Variants in ZNF888 observed in about 807,000 individuals in gnomAD.
The protein encoded by ZNF888 is zinc finger protein 888, also known as CTD-2331H12.6.
ZNF888 carries 5 observed loss-of-function variants against 7.2 expected under a neutral mutation model. That is an observed-to-expected ratio of 0.70 (90% CI 0.36 to 1.46). ZNF888 has a LOEUF of 1.46. Among genes scored for constraint, ZNF888 ranks in the 40% most tolerant of loss-of-function variants. ZNF888 has a pLI of 0.03. For missense variants in ZNF888, 716 were observed against 858.0 expected (o/e 0.83, Z 2.07); for synonymous variants, 240 against 284.3 (o/e 0.84, Z 1.57).
In ZNF888 at chr19:52,907,607, C is replaced by T; in HGVS notation, c.715G>A (p.Glu239Lys). 1 of 1,603,960 alleles carries T rather than the reference C, an allele frequency of 6.2e-7. No individual in the cohort carries two copies. Among genetic ancestry groups the T allele is most frequent in the Non-Finnish European group, 8.5e-7 (1 of 1,176,286 alleles). Residue 239 changes from glutamate (E) to lysine (K), a missense_variant, in exon 5 of 5, where the codon GAG becomes AAG. Glu to Lys is a moderately conservative substitution (Grantham distance 56). Coordinates refer to ENST00000638862, the MANE Select transcript of ZNF888 (RefSeq NM_001393938.1). ...CATACATCACATTTATATTGTTTCT[C>T]TCCTAGATGAATTATCTGATGTTTT... Reference protein sequence around the residue: ...FKKHQIIHLGEKQYKCDVCGK... With the variant: ...FKKHQIIHLGKKQYKCDVCGK...
In ZNF888 at chr19:52,907,908, C is replaced by T. The variant is rs1327311893; in HGVS notation, c.414G>A (p.Gln138=). 33 of 1,614,040 alleles carry T rather than the reference C, an allele frequency of 2.0e-5. No homozygotes were observed. Among genetic ancestry groups the T allele is most frequent in the Non-Finnish European group, 2.6e-5 (31 of 1,180,038 alleles). ...RHAGNKPIKY[Q]LGSSFHSHLP... ...GATGTGAATGAAAGCTTGATCCAAG[C>T]TGATATTTAATAGGCTTGTTTCCAG... is the stretch of plus-strand genomic sequence containing the variant. The change falls in exon 5 of 5, where the codon CAG becomes CAA. Residue 138 remains glutamine (Q), a synonymous_variant. Coordinates refer to ENST00000638862, the MANE Select transcript of ZNF888 (RefSeq NM_001393938.1).
chr19:52,910,515 A>T (rs992407385), intron 4 of ZNF888, among the ~76,000 whole-genome samples: 1 of 152,138 alleles, frequency 6.6e-6, no homozygotes, highest in Admixed American at 6.6e-5. Context: ...GCTTTGGTAG[A>T]TGTGGTATTC....
chr19:52,912,176 A>T (rs7250392), intron 4 of ZNF888, among the ~76,000 whole-genome samples: 16 of 144,964 alleles, frequency 1.1e-4, no homozygotes, highest in Admixed American at 4.0e-4. Context: ...TGTCGTGGCA[A>T]GATCTCGGCT....
At chr19:52,913,764 T>G in intron 4 of ZNF888, 7 of 983,674 alleles carry the variant, frequency 7.1e-6, no homozygotes, top group Non-Finnish European at 8.5e-6. Flanking sequence ...AACGTGGTTG[T>G]TATATTCACA....
In ZNF888 at chr19:52,906,042, G is replaced by A. The variant is rs774873370; in HGVS notation, c.*123C>T. 1.1e-4 allele frequency: 160 copies of A among 1,397,212 alleles called. No individual in the cohort carries two copies. The highest frequency in any genetic ancestry group is 4.3e-4 in the East Asian group (19 of 43,756). The allele number at this position is 1,397,212 out of a possible 1,614,324, so 86.6% of individuals were successfully genotyped here. A position where few individuals can be genotyped will look rare whatever the true frequency, so the allele number is the denominator to read the frequency against. ...TATGAGTTCACCCATGAACTACAGC[G>A]TATGAACGATGTCTGAAAAATTTGC... On this transcript the variant is annotated 3_prime_UTR_variant, in exon 5 of 5. Transcript: ENST00000638862.
rs188652208 is a variant in ZNF888, at chr19:52,911,855, C to T, written c.142+3341G>A. Reference sequence around the variant, plus strand: ...TTTTTAAGATGGAGTCTCACTCTGTCGCCCAGGCTGGAGTACAGTGGTGCA... The same window carrying T: ...TTTTTAAGATGGAGTCTCACTCTGTTGCCCAGGCTGGAGTACAGTGGTGCA... On this transcript the variant is annotated intron_variant, in intron 4 of 4. Coordinates refer to ENST00000638862, the MANE Select transcript of ZNF888 (RefSeq NM_001393938.1). Among the ~76,000 whole-genome samples, 229 of 151,994 alleles carry T rather than the reference C, an allele frequency of 1.5e-3. 2 individuals carry two copies. Among genetic ancestry groups the T allele is most frequent in the African/African-American group, 4.7e-3 (196 of 41,462 alleles).
At chr19:52,910,368 G>A (rs2064664350) in intron 4 of ZNF888, among the ~76,000 whole-genome samples, 1 of 152,080 alleles carries the variant, frequency 6.6e-6, no homozygotes, top group Admixed American at 6.6e-5. Flanking sequence ...AGCTACTTGG[G>A]AGGCTGAAGC....
chr19:52,907,153 G>A lies in ZNF888; in HGVS notation c.1169C>T (p.Ala390Val), dbSNP rs2147922574. The change falls in exon 5 of 5, where the codon GCT (alanine) becomes GTT (valine). Residue 390 changes from alanine (A) to valine (V), a missense_variant. Physicochemically the swap from Ala to Val is moderately conservative, Grantham distance 64. Transcript: ENST00000638862. ...KPYKCKVCDK[A>V]FRHDSHLAQH... ...TGCCAGGTGTGAATCATGTCTGAAAGCCTTGTCACAAACCTTACATTTGTA... is the reference window on the plus strand; with the variant it reads ...TGCCAGGTGTGAATCATGTCTGAAAACCTTGTCACAAACCTTACATTTGTA... The A allele has an allele frequency of 6.2e-7, 1 of 1,611,016 alleles. No homozygotes were observed. The highest frequency in any genetic ancestry group is 2.2e-5 in the East Asian group (1 of 44,738).
rs1368496445 is a variant in ZNF888, at chr19:52,906,710, C to A, written c.1612G>T (p.Val538Leu). Residue 538 changes from valine (V) to leucine (L), a missense_variant, in exon 5 of 5, where the codon GTA becomes TTA. Val to Leu is a conservative substitution (Grantham distance 32). Around this residue, in one of 2 missense-constraint regions of ZNF888, gnomAD observed 697 missense variants for 803.4 expected, o/e 0.87. Coordinates refer to ENST00000638862, the MANE Select transcript of ZNF888 (RefSeq NM_001393938.1). ...CCAGTATGAATGACCTTATGCATTA[C>A]AAGAGATGAATTTTGAACGAAGGTC... ...GKTFVQNSSL[V>L]MHKVIHTGEK... The A allele has an allele frequency of 6.2e-7, 1 of 1,607,408 alleles. No homozygotes were observed. The highest frequency in any genetic ancestry group is 1.3e-5 in the African/African-American group (1 of 74,728).
At chr19:52,916,615 CATATATAT>C (rs67843514) in intron 3 of ZNF888, among the ~76,000 whole-genome samples, 196 of 131,342 alleles carry the variant, frequency 1.5e-3, no homozygotes, top group African/African-American at 3.9e-3. Context: ...TATACATATA[CATATATAT>C]ATATATATAT....
chr19:52,906,416 A>C lies in ZNF888; in HGVS notation c.1906T>G (p.Cys636Gly). ...CCAAAAGCCTTGTCGCAAACCCTACATTTGTATGGTTTCTCTCCAGTATGA... is the reference window on the plus strand; with the variant it reads ...CCAAAAGCCTTGTCGCAAACCCTACCTTTGTATGGTTTCTCTCCAGTATGA... ...RVHTGEKPYK[C>G]RVCDKAFGRD... is the part of the protein sequence containing the mutation. The change falls in exon 5 of 5, where the codon TGT becomes GGT. Residue 636 changes from cysteine to glycine, a missense_variant. Transcript: ENST00000638862. 1 of 1,613,116 alleles carries C rather than the reference A, an allele frequency of 6.2e-7. No homozygotes were observed.
intron 4 of ZNF888, among the ~76,000 whole-genome samples, chr19:52,910,149 C>CAAAAAAAA (rs71335690): frequency 8.3e-5 from 7 of 83,896 alleles, no homozygotes; most frequent in African/African-American, 2.0e-4. Flanking sequence ...GACTTCGTCT[C>CAAAAAAAA]AAAAAAAAAA....
Position 52,905,744 on chromosome 19 carries a change from C to T in ZNF888, c.*421G>A. The T allele has an allele frequency of 1.9e-6, 1 of 513,622 alleles. No individual in the cohort carries two copies. Among genetic ancestry groups the T allele is most frequent in the Admixed American group, 2.3e-5 (1 of 44,358 alleles). The allele number at this position is 513,622 out of a possible 1,614,324, so 31.8% of individuals were successfully genotyped here. A position where few individuals can be genotyped will look rare whatever the true frequency, so the allele number is the denominator to read the frequency against. On this transcript the variant is annotated 3_prime_UTR_variant, in exon 5 of 5. Transcript: ENST00000638862. ...GCTTGATGGTTTGCTATACTCATTGCATTCGGAACTATTATCTCAAAAATA... is the reference window on the plus strand; with the variant it reads ...GCTTGATGGTTTGCTATACTCATTGTATTCGGAACTATTATCTCAAAAATA...
In ZNF888 at chr19:52,920,509, A is replaced by G. The variant is rs2064812730; in HGVS notation, c.-177-1572T>C. ...GAAGGCAAAAAAAAAAAAAAAAAAA[A>G]AAAAAAAGAAAAAAAAAGAAAAGGA... On this transcript the variant is annotated intron_variant, in intron 1 of 4. Transcript: ENST00000638862. Among the ~76,000 whole-genome samples the G allele has an allele frequency of 1.2e-4, 5 of 42,720 alleles. 1 individual carries two copies. Among genetic ancestry groups the G allele is most frequent in the Non-Finnish European group, 1.9e-4 (4 of 20,870 alleles). The allele number at this position is 42,720 out of a possible 152,430, so 28.0% of individuals were successfully genotyped here.
Position 52,907,507 on chromosome 19 carries a change from C to A in ZNF888, c.815G>T (p.Cys272Phe). The A allele has an allele frequency of 6.2e-7, 1 of 1,606,342 alleles. No individual in the cohort carries two copies. The highest frequency in any genetic ancestry group is 8.5e-7 in the Non-Finnish European group (1 of 1,176,974). ...RCHTGEKPYM[C>F]NKCGKVFNKK... The stretch of plus-strand genomic sequence containing the variant: ...ATTAAAAACCTTGCCACATTTATTA[C>A]ACATGTAAGGTTTCTCACCAGTGTG... Residue 272 changes from cysteine (C) to phenylalanine (F), a missense_variant, in exon 5 of 5, where the codon TGT (cysteine) becomes TTT (phenylalanine). Around this residue, in one of 2 missense-constraint regions of ZNF888, gnomAD observed 697 missense variants for 803.4 expected, o/e 0.87. Coordinates refer to ENST00000638862, the MANE Select transcript of ZNF888 (RefSeq NM_001393938.1).
intron 2 of ZNF888, 29 bp from the exon 3 acceptor site, chr19:52,917,960 A>G: frequency 1.2e-6 from 2 of 1,602,930 alleles, no homozygotes; most frequent in Non-Finnish European, 1.7e-6. Flanking sequence ...AATGTTAGAA[A>G]TATGTTGTTT....
Position 52,910,341 on chromosome 19 carries a change from C to T in ZNF888, c.143-2162G>A, listed in dbSNP as rs143112774. ...AAAAAAAATTAGCTATGCATGGTGG[C>T]GGGTGCCTTTAATCCCAGCTACTTG... On this transcript the variant is annotated intron_variant, in intron 4 of 4. Transcript: ENST00000638862. 7.3e-3 allele frequency among the ~76,000 whole-genome samples: 1,115 copies of T among 151,976 alleles called. 21 individuals are homozygous for T. Among genetic ancestry groups the T allele is most frequent in the African/African-American group, 0.024 (1,011 of 41,478 alleles).
At chr19:52,917,455 T>G in intron 3 of ZNF888, 3 of 499,742 alleles carry the variant, frequency 6.0e-6, no homozygotes, top group Non-Finnish European at 1.1e-5. Context: ...TTATCGGTCT[T>G]TTCTAGAATT....
intron 1 of ZNF888, among the ~76,000 whole-genome samples, chr19:52,920,533 GAAAA>G (rs1175516942): frequency 4.0e-5 from 1 of 24,804 alleles, no homozygotes; most frequent in African/African-American, 1.3e-4. Context: ...AAAAGAAAAG[GAAAA>G]AAAAAAAAAA....
Sources: gnomAD v4.1 joint callset for allele counts (sites outside exome capture counted in the v4.1 genomes callset) on GRCh38, gnomAD v4.1.1 for gene constraint, gnomAD v4.1.1 regional missense constraint, MANE v1.5 for transcripts, NCBI Gene and HGNC (gene_info 2026-07-23, HGNC 2026-07-21) for gene names.